MIPEP: variants seen among roughly 807,000 people sequenced by gnomAD.
MIPEP encodes the protein mitochondrial intermediate peptidase.
A neutral mutation model predicts 90.3 loss-of-function variants in MIPEP; 79 were observed. That is an observed-to-expected ratio of 0.87 (90% confidence interval 0.73 to 1.05). The LOEUF (loss-of-function observed/expected upper bound fraction) is 1.05. Ranked by LOEUF, MIPEP falls within the 50% of genes least tolerant of loss-of-function variation. The pLI, the probability that MIPEP is intolerant of heterozygous loss-of-function variation, is 0.00. For synonymous variants in MIPEP, 334 were observed against 315.8 expected (o/e 1.06, Z -0.61); for missense variants, 940 against 905.6 (o/e 1.04, Z -0.49).
At chr13:23,805,903 A>G in intron 16 of MIPEP, 47 bp downstream of exon 16, 1 of 1,599,114 alleles carries the variant, frequency 6.3e-7, no homozygotes, top group Non-Finnish European at 8.5e-7. Flanking sequence ...CAGAAGTAAT[A>G]GCAGAACCAC....
intron 16 of MIPEP, among the ~76,000 whole-genome samples, chr13:23,797,101 C>T (rs1952970955): frequency 6.6e-6 from 1 of 152,164 alleles, no homozygotes; most frequent in Non-Finnish European, 1.5e-5. Flanking sequence ...TTTGCTGGTA[C>T]TTGAGAAAAG....
At chr13:23,840,660 C>T (rs9510888) in intron 11 of MIPEP, among the ~76,000 whole-genome samples, 7,040 of 152,160 alleles carry the variant, frequency 0.046, 221 homozygotes, top group Middle Eastern at 0.068. Flanking sequence ...AAGACGTGGC[C>T]GAGAGACAAT....
intron 4 of MIPEP, among the ~76,000 whole-genome samples, chr13:23,878,593 A>G (rs148063530): frequency 6.6e-6 from 1 of 152,376 alleles, no homozygotes; most frequent in East Asian, 1.9e-4. Context: ...TATGACATAC[A>G]TATTATAAGC....
chr13:23,732,671 C>T (rs1243841575), intron 18 of MIPEP, among the ~76,000 whole-genome samples: 1 of 152,164 alleles, frequency 6.6e-6, no homozygotes, highest in African/African-American at 2.4e-5. Context: ...TGAAGCAGTA[C>T]ATACTGTTTG....
chr13:23,779,269 T>C (rs571078902), intron 16 of MIPEP, among the ~76,000 whole-genome samples: 32 of 152,288 alleles, frequency 2.1e-4, no homozygotes, highest in Non-Finnish European at 4.3e-4. Flanking sequence ...GTGAGTGATG[T>C]GTATGTAGAA....
Position 23,886,521 on chromosome 13 carries a change from A to G in MIPEP, c.190-15T>C. ...CCAAAAAGACCCTTAGAACCAAAGA[A>G]TACGTCTGATTTATAACCAAAATTC... On this transcript the variant is annotated splice_polypyrimidine_tract_variant and intron_variant, in intron 1 of 18. Transcript: ENST00000382172. 6.5e-7 allele frequency: 1 copy of G among 1,529,050 alleles called. No individual in the cohort carries two copies. Among genetic ancestry groups the G allele is most frequent in the Non-Finnish European group, 8.8e-7 (1 of 1,138,286 alleles). The allele number at this position is 1,529,050 out of a possible 1,614,324, so 94.7% of individuals were successfully genotyped here.
chr13:23,829,564 GA>G (rs1868636467), intron 14 of MIPEP, among the ~76,000 whole-genome samples: 2 of 152,100 alleles, frequency 1.3e-5, no homozygotes, highest in South Asian at 4.1e-4. Flanking sequence ...CAACTACCAA[GA>G]ATTTCTGAAA....
intron 10 of MIPEP, among the ~76,000 whole-genome samples, chr13:23,851,504 A>G (rs1305158439): frequency 6.6e-6 from 1 of 152,220 alleles, no homozygotes; most frequent in African/African-American, 2.4e-5. Context: ...AATGGGTGTT[A>G]AAGCCACTGG....
At chr13:23,847,885 AC>A (rs1429744559) in intron 10 of MIPEP, among the ~76,000 whole-genome samples, 2 of 152,338 alleles carry the variant, frequency 1.3e-5, no homozygotes, top group East Asian at 3.9e-4. Flanking sequence ...TTCACAATTT[AC>A]AAAGCACTTT....
chr13:23,813,133 A>T lies in MIPEP; in HGVS notation c.1654-3209T>A, dbSNP rs190545113. ...ATAACAAATTTGAAAAAAAAACTTAAATACCATACAAACTGATTTTCTTTT... is the reference window on the plus strand; with the variant it reads ...ATAACAAATTTGAAAAAAAAACTTATATACCATACAAACTGATTTTCTTTT... On this transcript the variant is annotated intron_variant, in intron 14 of 18. Coordinates refer to ENST00000382172, the MANE Select transcript of MIPEP (RefSeq NM_005932.4). 1.1e-3 allele frequency among the ~76,000 whole-genome samples: 175 copies of T among 152,346 alleles called. 1 individual carries two copies. The highest frequency in any genetic ancestry group is 4.1e-3 in the African/African-American group (169 of 41,582).
At chr13:23,825,956 T>C (rs780456396) in intron 14 of MIPEP, among the ~76,000 whole-genome samples, 10 of 152,194 alleles carry the variant, frequency 6.6e-5, no homozygotes, top group Non-Finnish European at 1.5e-4. Flanking sequence ...GTAAACATTT[T>C]AGTGTAGTGG....
At chr13:23,826,201 T>C (rs1033207122) in intron 14 of MIPEP, among the ~76,000 whole-genome samples, 3 of 152,108 alleles carry the variant, frequency 2.0e-5, no homozygotes, top group African/African-American at 7.2e-5. Flanking sequence ...AGAGCAAAAA[T>C]GGATAGAACT....
At chr13:23,754,078 C>A (rs1468911273) in intron 18 of MIPEP, among the ~76,000 whole-genome samples, 1 of 152,118 alleles carries the variant, frequency 6.6e-6, no homozygotes, top group African/African-American at 2.4e-5. Flanking sequence ...ATATAAGGTA[C>A]CTATAAAAAG....
chr13:23,870,129 T>C lies in MIPEP; in HGVS notation c.670A>G (p.Asn224Asp). The C allele has an allele frequency of 6.2e-7, 1 of 1,612,534 alleles. No homozygotes were observed. Among genetic ancestry groups the C allele is most frequent in the Non-Finnish European group, 8.5e-7 (1 of 1,179,182 alleles). ...DLSSTFLMGT[N>D]FPNKIEKHLL... Reference sequence around the variant, plus strand: ...TGCTTCTCAATCTTGTTGGGAAAATTGGTTCCCATAAGAAATGTACTACTC... The same window carrying C: ...TGCTTCTCAATCTTGTTGGGAAAATCGGTTCCCATAAGAAATGTACTACTC... The change falls in exon 6 of 19, where the codon AAT (asparagine) becomes GAT (aspartate). Residue 224 changes from asparagine to aspartate, a missense_variant. Coordinates refer to ENST00000382172, the MANE Select transcript of MIPEP (RefSeq NM_005932.4).
At chr13:23,767,227 C>A (rs1004344385) in intron 16 of MIPEP, among the ~76,000 whole-genome samples, 1 of 152,210 alleles carries the variant, frequency 6.6e-6, no homozygotes, top group Non-Finnish European at 1.5e-5. Flanking sequence ...AGCAGCTACA[C>A]TGTGTTGACT....
intron 14 of MIPEP, among the ~76,000 whole-genome samples, chr13:23,810,734 A>G (rs752011767): frequency 1.3e-5 from 2 of 152,236 alleles, no homozygotes; most frequent in Non-Finnish European, 2.9e-5. Context: ...ACCACCTGTG[A>G]ATGAGAACGT....
intron 15 of MIPEP, among the ~76,000 whole-genome samples, chr13:23,806,938 A>G (rs1479363836): frequency 1.3e-5 from 2 of 152,188 alleles, no homozygotes; most frequent in African/African-American, 4.8e-5. Context: ...GTGGGGGTAG[A>G]GAAAGAAATA....
At chr13:23,864,633 G>C (rs143237087) in intron 7 of MIPEP, among the ~76,000 whole-genome samples, 1 of 149,514 alleles carries the variant, frequency 6.7e-6, no homozygotes, top group Non-Finnish European at 1.5e-5. Context: ...CTACTTGGGA[G>C]GCTAAGGCAG....
At chr13:23,805,637 C>T (rs1361004854) in intron 16 of MIPEP, among the ~76,000 whole-genome samples, 1 of 152,164 alleles carries the variant, frequency 6.6e-6, no homozygotes, top group Non-Finnish European at 1.5e-5. Context: ...TAATCACATT[C>T]ATCTTACATC....
Sources: allele counts gnomAD v4.1 joint callset (sites outside exome capture counted in the v4.1 genomes callset), GRCh38; gene constraint gnomAD v4.1.1; transcripts MANE v1.5; gene names NCBI Gene and HGNC (gene_info 2026-07-23, HGNC 2026-07-21).